Variants in RBFOX3 observed in about 807,000 individuals in gnomAD.
The protein encoded by RBFOX3 is RNA binding fox-1 homolog 3, also known as RNA binding protein fox-1 homolog 3.
RBFOX3 carries 17 observed loss-of-function variants against 48.7 expected under a neutral mutation model. The ratio of observed to expected loss-of-function variants is 0.35; its 90% CI spans 0.24 to 0.52. The LOEUF (loss-of-function observed/expected upper bound fraction) is 0.52, where lower values mean the gene tolerates loss of function less well. Among genes scored for constraint, RBFOX3 ranks in the 20% least tolerant of loss-of-function variants. The pLI is 0.94. For missense variants in RBFOX3, 382 were observed against 497.5 expected (o/e 0.77, Z 2.21); for synonymous variants, 212 against 209.5 (o/e 1.01, Z -0.10).
At chr17:79,656,883 A>AGGAG in the RBFOX3 span, among the ~76,000 whole-genome samples, 2 of 143,704 alleles carry the variant, frequency 1.4e-5, no homozygotes, top group East Asian at 4.2e-4. Flanking sequence ...GAAGGAAGGA[A>AGGAG]GGAAGGAAGG....
At position 79,204,303 on chromosome 17, in the gene RBFOX3, G is replaced by A. The variant is rs544368538; in HGVS notation, c.-34+31463C>T. Among the ~76,000 whole-genome samples, 18 of 152,178 alleles carry A rather than the reference G, an allele frequency of 1.2e-4. No individual in the cohort carries two copies. In the East Asian group the frequency reaches 2.9e-3, roughly 25 times the overall value. ...GGGGAGCGGACACACACCAGCGGGCGCCGGGGAGCGGGTACACACCAGCGG... is the reference window on the plus strand; with the variant it reads ...GGGGAGCGGACACACACCAGCGGGCACCGGGGAGCGGGTACACACCAGCGG... On this transcript the variant is annotated intron_variant, in intron 4 of 14. Transcript: ENST00000693108. The surrounding 1 kb of genome is among the most constrained non-coding windows in gnomAD (Gnocchi z 4.5).
At chr17:79,192,421 T>G (rs553915828) in intron 4 of RBFOX3, among the ~76,000 whole-genome samples, 1 of 152,320 alleles carries the variant, frequency 6.6e-6, no homozygotes, top group East Asian at 1.9e-4. Flanking sequence ...GCAGCTTTAA[T>G]TCTCTCAGGT....
At chr17:79,368,688 C>T (rs997206960) in intron 2 of RBFOX3, among the ~76,000 whole-genome samples, 1 of 152,206 alleles carries the variant, frequency 6.6e-6, no homozygotes, top group East Asian at 1.9e-4. Context: ...TCCTCGCACA[C>T]CAGCCCGATG....
At chr17:79,397,535 G>GA (rs1313399540) in intron 2 of RBFOX3, among the ~76,000 whole-genome samples, 1 of 147,082 alleles carries the variant, frequency 6.8e-6, no homozygotes, top group East Asian at 2.0e-4. Flanking sequence ...CAGAAGTTTA[G>GA]AAAAGCCCAT....
chr17:79,338,217 G>A (rs1288424078), intron 2 of RBFOX3, among the ~76,000 whole-genome samples: 3 of 152,136 alleles, frequency 2.0e-5, no homozygotes, highest in African/African-American at 7.2e-5. Flanking sequence ...GGGGTTACAG[G>A]CATGAGCCAC....
At chr17:79,140,034 C>G (rs1049281951) in intron 4 of RBFOX3, among the ~76,000 whole-genome samples, 1 of 152,248 alleles carries the variant, frequency 6.6e-6, no homozygotes, top group Non-Finnish European at 1.5e-5. Flanking sequence ...CCTGGTCCCG[C>G]GGCCCTGCCA....
intron 1 of RBFOX3, among the ~76,000 whole-genome samples, chr17:79,580,986 G>A (rs1022701835): frequency 0.034 from 5,127 of 152,242 alleles, 140 homozygotes; most frequent in East Asian, 0.14. Flanking sequence ...GGTAGCTCAC[G>A]CCTGTAATCC....
chr17:79,134,075 G>A (rs1320731758), intron 4 of RBFOX3, among the ~76,000 whole-genome samples: 1 of 152,202 alleles, frequency 6.6e-6, no homozygotes, highest in African/African-American at 2.4e-5. Flanking sequence ...GGGTGGAGAC[G>A]GCGGGAAGGC....
intron 1 of RBFOX3, among the ~76,000 whole-genome samples, chr17:79,557,871 G>A (rs1337070882): frequency 2.0e-5 from 3 of 152,226 alleles, no homozygotes; most frequent in Admixed American, 2.0e-4. Flanking sequence ...AGCAAAACCT[G>A]CCGAGGACGC....
intron 3 of RBFOX3, among the ~76,000 whole-genome samples, chr17:79,277,307 G>A (rs999693190): frequency 2.3e-5 from 1 of 42,684 alleles, no homozygotes; most frequent in Non-Finnish European, 4.3e-5. Context: ...GTGGGGAGGG[G>A]GGGGGTAGTG....
At chr17:79,459,582 T>TC (rs2075094146) in intron 2 of RBFOX3, among the ~76,000 whole-genome samples, 1 of 152,054 alleles carries the variant, frequency 6.6e-6, no homozygotes, top group Non-Finnish European at 1.5e-5. Context: ...AGTGCTGTGT[T>TC]CCCCTGGAAG....
At chr17:79,182,710 CAGCCCCCTCCCCGGCCAGAGCTCCTGG>C (rs2052351672) in intron 4 of RBFOX3, among the ~76,000 whole-genome samples, 2 of 151,996 alleles carry the variant, frequency 1.3e-5, no homozygotes, top group Admixed American at 1.3e-4. Flanking sequence ...AGTCTGGCCC[CAGCCCCCTCCCCGGCCAGAGCTCCTGG>C]GGCCTCCCTC....
intron 1 of RBFOX3, among the ~76,000 whole-genome samples, chr17:79,513,102 A>G (rs1331727281): frequency 1.3e-5 from 2 of 151,976 alleles, no homozygotes; most frequent in Admixed American, 6.5e-5. Context: ...GTACAGCCCC[A>G]TAACCAGGGG....
chr17:79,097,450 G>A, intron 10 of RBFOX3, 26 bp from the exon 11 acceptor site: 1 of 1,526,428 alleles, frequency 6.6e-7, no homozygotes, highest in Non-Finnish European at 8.8e-7. Flanking sequence ...CCCGAGACAC[G>A]TGTGAGAGGC....
intron 1 of RBFOX3, among the ~76,000 whole-genome samples, chr17:79,574,635 AG>A (rs1224448340): frequency 6.6e-6 from 1 of 152,264 alleles, no homozygotes; most frequent in Non-Finnish European, 1.5e-5. Flanking sequence ...GTAATCAAGA[AG>A]TAACTATAAG....
rs1014329545 is a variant in RBFOX3, at chr17:79,242,681, C to T, written c.-73-6876G>A. ...CCGGGGAGTTCTGGCAGGTTCTGGCCATCACAGTAGTCCCTGGAGTGGCTT... is the reference window on the plus strand; with the variant it reads ...CCGGGGAGTTCTGGCAGGTTCTGGCTATCACAGTAGTCCCTGGAGTGGCTT... On this transcript the variant is annotated intron_variant, in intron 3 of 14. Coordinates refer to ENST00000693108, the MANE Select transcript of RBFOX3 (RefSeq NM_001350451.2). This position sits in a 1 kb window ranked among gnomAD's most constrained non-coding sequence, Gnocchi z 5.8. Among the ~76,000 whole-genome samples the T allele has an allele frequency of 3.3e-5, 5 of 152,082 alleles. No individual in the cohort carries two copies. The highest frequency in any genetic ancestry group is 7.4e-5 in the Non-Finnish European group (5 of 68,008).
intron 2 of RBFOX3, among the ~76,000 whole-genome samples, chr17:79,386,421 A>C (rs1174645047): frequency 6.6e-6 from 1 of 152,212 alleles, no homozygotes; most frequent in Non-Finnish European, 1.5e-5. Context: ...TCACTACTTT[A>C]CACATAGGGA....
At chr17:79,104,569 G>A (rs1183096922) in intron 6 of RBFOX3, among the ~76,000 whole-genome samples, 1 of 152,216 alleles carries the variant, frequency 6.6e-6, no homozygotes, top group African/African-American at 2.4e-5. Flanking sequence ...GGGTACCCAA[G>A]GCATGACTGC....
chr17:79,288,336 C>T (rs575940072), intron 3 of RBFOX3, among the ~76,000 whole-genome samples: 2 of 152,284 alleles, frequency 1.3e-5, no homozygotes, highest in South Asian at 4.1e-4. Context: ...CAAATACTTG[C>T]CATCAGAGAG....
Sources: allele counts gnomAD v4.1 joint callset (sites outside exome capture counted in the v4.1 genomes callset), GRCh38; gene constraint gnomAD v4.1.1; non-coding constraint Gnocchi (gnomAD v3.1); transcripts MANE v1.5; gene names NCBI Gene and HGNC (gene_info 2026-07-23, HGNC 2026-07-21).